The following CHUK variants were observed in gnomAD, a reference collection of about 807,000 sequenced individuals.
CHUK encodes the protein inhibitor of nuclear factor kappa-B kinase subunit alpha.
In CHUK, 35 loss-of-function variants were observed where a neutral mutation model predicts 104.8. The observed-to-expected ratio is 0.33, with a 90% confidence interval of 0.26 to 0.44. The LOEUF (loss-of-function observed/expected upper bound fraction) is 0.44, where lower values mean the gene tolerates loss of function less well. Among genes scored for constraint, CHUK ranks in the 20% least tolerant of loss-of-function variants. CHUK has a pLI of 1.00. For synonymous variants in CHUK, 276 were observed against 291.9 expected, an observed-to-expected ratio of 0.95 and a Z score of 0.56; for missense variants, 663 against 902.7, an observed-to-expected ratio of 0.73 and a Z score of 3.40.
At chr10:100,212,878 C>T (rs901106071) in intron 9 of CHUK, among the ~76,000 whole-genome samples, 1 of 151,766 alleles carries the variant, frequency 6.6e-6, no homozygotes, top group East Asian at 1.9e-4. Context: ...GGTGGCACAA[C>T]GCCTATAATC....
At chr10:100,193,122 AGGTGAG>A in intron 19 of CHUK, 170 bp downstream of exon 19, 1 of 678,544 alleles carries the variant, frequency 1.5e-6, no homozygotes, top group South Asian at 1.7e-5. Context: ...CCTGTTTTAC[AGGTGAG>A]GAAATATGAA....
At chr10:100,225,881 G>T in intron 2 of CHUK, 42 bp downstream of exon 2, 1 of 1,107,420 alleles carries the variant, frequency 9.0e-7, no homozygotes, top group Non-Finnish European at 1.4e-6. Context: ...CATCTGGTTG[G>T]GCTGTAGAAC....
At chr10:100,225,197 A>G (rs1846078265) in intron 2 of CHUK, among the ~76,000 whole-genome samples, 1 of 152,200 alleles carries the variant, frequency 6.6e-6, no homozygotes, top group Non-Finnish European at 1.5e-5. Flanking sequence ...TATACTGCAC[A>G]AAACTGTTTA....
intron 16 of CHUK, among the ~76,000 whole-genome samples, chr10:100,196,221 C>A (rs1471044210): frequency 6.6e-6 from 1 of 152,152 alleles, no homozygotes; most frequent in Non-Finnish European, 1.5e-5. Flanking sequence ...ACATCTTCAA[C>A]CTTTTTATCC....
At chr10:100,218,593 G>A (rs1487621299) in intron 8 of CHUK, 125 bp downstream of exon 8, 10 of 731,524 alleles carry the variant, frequency 1.4e-5, no homozygotes, top group Non-Finnish European at 2.2e-5. Context: ...CAGAAATATA[G>A]AAGGTTTCTA....
chr10:100,228,993 G>GCGCGCACACACACACA (rs764914118), intron 1 of CHUK, among the ~76,000 whole-genome samples: 1 of 133,556 alleles, frequency 7.5e-6, no homozygotes, highest in Non-Finnish European at 1.6e-5. Flanking sequence ...GCGCGCGCGC[G>GCGCGCACACACACACA]CACACACACA....
Position 100,189,530 on chromosome 10 carries a change from G to C in CHUK, c.*68C>G, listed in dbSNP as rs760068125. On this transcript the variant is annotated 3_prime_UTR_variant, in exon 21 of 21. Coordinates refer to ENST00000370397, the MANE Select transcript of CHUK (RefSeq NM_001278.5). ...ATGTCTGAAGAATGGTTTCATGGGG[G>C]AAAAACACATTTCCAACATGTATAG... 4.7e-6 allele frequency: 6 copies of C among 1,287,886 alleles called. No individual in the cohort carries two copies. The highest frequency in any genetic ancestry group is 5.7e-6 in the Non-Finnish European group (5 of 882,432). The allele number at this position is 1,287,886 out of a possible 1,614,324, so 79.8% of individuals were successfully genotyped here.
intron 9 of CHUK, among the ~76,000 whole-genome samples, chr10:100,217,140 T>C (rs1371267825): frequency 6.6e-6 from 1 of 151,490 alleles, no homozygotes; most frequent in East Asian, 1.9e-4. Context: ...TAAGGAGCAG[T>C]GACAAGCTGG....
In CHUK at chr10:100,222,862, C is replaced by T; in HGVS notation, c.315+4G>A. 7.2e-7 allele frequency: 1 copy of T among 1,392,926 alleles called. No homozygotes were observed. Among genetic ancestry groups the T allele is most frequent in the Non-Finnish European group, 1.0e-6 (1 of 978,464 alleles). The allele number at this position is 1,392,926 out of a possible 1,614,324, so 86.3% of individuals were successfully genotyped here. On this transcript the variant is annotated splice_donor_region_variant and intron_variant, in intron 3 of 20. Transcript: ENST00000370397. ...TCTCTCTCATCTCAAAACATCCACA[C>T]TACCTTTCGGAGATCTCCTCCAGAA...
chr10:100,217,904 A>G lies in CHUK; in HGVS notation c.933+91T>C, dbSNP rs1589595112. On this transcript the variant is annotated intron_variant, in intron 9 of 20. Transcript: ENST00000370397. ...AATAAATAAATAAATAAGCAACAGG[A>G]AAAGATTATTAAACTGTATTTATGC... 2.6e-5 allele frequency: 32 copies of G among 1,254,690 alleles called. No homozygotes were observed. In the East Asian group the frequency reaches 7.6e-4, roughly 30 times the overall value. The allele number at this position is 1,254,690 out of a possible 1,614,324, so 77.7% of individuals were successfully genotyped here. A position where few individuals can be genotyped will look rare whatever the true frequency, so the allele number is the denominator to read the frequency against.
chr10:100,199,317 C>T (rs1164068456), intron 16 of CHUK, among the ~76,000 whole-genome samples: 1 of 152,064 alleles, frequency 6.6e-6, no homozygotes, highest in Non-Finnish European at 1.5e-5. Context: ...TTCTTTCCAA[C>T]CTCTATAATA....
chr10:100,214,913 A>C (rs1243606107), intron 9 of CHUK, among the ~76,000 whole-genome samples: 1 of 152,220 alleles, frequency 6.6e-6, no homozygotes, highest in African/African-American at 2.4e-5. Context: ...GTGACAGTGC[A>C]AATAAGAAGT....
rs144968918 is a variant in CHUK, at chr10:100,197,983, G to C, written c.1729+1988C>G. 9.5e-3 allele frequency among the ~76,000 whole-genome samples: 1,440 copies of C among 152,296 alleles called. 14 individuals carry two copies. The highest frequency in any genetic ancestry group is 0.02 in the Middle Eastern group (6 of 294). ...CTAATCTCATCAGAAAAGTTTTTAA[G>C]TACTGAGAAGCTGTCATTCCAGCTG... On this transcript the variant is annotated intron_variant, in intron 16 of 20. Coordinates refer to ENST00000370397, the MANE Select transcript of CHUK (RefSeq NM_001278.5).
intron 10 of CHUK, among the ~76,000 whole-genome samples, chr10:100,209,215 CTT>C (rs1278577910): frequency 1.3e-5 from 2 of 152,118 alleles, no homozygotes; most frequent in Non-Finnish European, 2.9e-5. Context: ...TACGGAAAAA[CTT>C]TGTAATTTTG....
At chr10:100,214,401 G>A (rs1234616987) in intron 9 of CHUK, among the ~76,000 whole-genome samples, 2 of 152,102 alleles carry the variant, frequency 1.3e-5, no homozygotes, top group African/African-American at 4.8e-5. Context: ...TAAGGTACCA[G>A]GCAAAATGTG....
intron 9 of CHUK, among the ~76,000 whole-genome samples, chr10:100,215,478 AGAAGAG>A (rs1019604069): frequency 6.6e-6 from 1 of 152,130 alleles, no homozygotes; most frequent in Non-Finnish European, 1.5e-5. Flanking sequence ...GAGAGAACCA[AGAAGAG>A]ACTCAGAATA....
intron 18 of CHUK, chr10:100,193,646 C>A: frequency 3.2e-6 from 2 of 619,242 alleles, no homozygotes; most frequent in Admixed American, 2.9e-5. Context: ...ATCCACTCAT[C>A]TTATACCATT....
intron 1 of CHUK, among the ~76,000 whole-genome samples, chr10:100,226,828 G>T (rs752714145): frequency 2.6e-5 from 4 of 152,168 alleles, no homozygotes; most frequent in Non-Finnish European, 5.9e-5. Context: ...GAGCCCAGGG[G>T]CCAGGACAGA....
In CHUK at chr10:100,190,858, A is replaced by ACAAAACTTACCAT; in HGVS notation, c.2206_2208+10dup. 1 of 1,529,074 alleles carries ACAAAACTTACCAT rather than the reference A, an allele frequency of 6.5e-7. No homozygotes were observed. Among genetic ancestry groups the ACAAAACTTACCAT allele is most frequent in the Non-Finnish European group, 9.1e-7 (1 of 1,102,422 alleles). The allele number at this position is 1,529,074 out of a possible 1,614,324, so 94.7% of individuals were successfully genotyped here. A position where few individuals can be genotyped will look rare whatever the true frequency, so the allele number is the denominator to read the frequency against. On this transcript the variant is annotated intron_variant, in intron 20 of 20. Transcript: ENST00000370397. ...AGCCAAAGCAGGCACCCATATCCAC[A>ACAAAACTTACCAT]CAAAACTTACCATCATACTATTGCC...
Sources: gnomAD v4.1 joint callset for allele counts (sites outside exome capture counted in the v4.1 genomes callset) on GRCh38, gnomAD v4.1.1 for gene constraint, MANE v1.5 for transcripts, NCBI Gene and HGNC (gene_info 2026-07-23, HGNC 2026-07-21) for gene names.